The following ZNF704 variants were observed in gnomAD, a reference collection of about 807,000 sequenced individuals.
ZNF704 encodes zinc finger protein 704, also known as glucocorticoid induced gene 1.
A neutral mutation model predicts 44.7 loss-of-function variants in ZNF704; 10 were observed. The ratio of observed to expected loss-of-function variants is 0.22; its 90% CI spans 0.14 to 0.38. The LOEUF (loss-of-function observed/expected upper bound fraction) is 0.38. Ranked by LOEUF, ZNF704 falls within the 10% of genes least tolerant of loss-of-function variation. The pLI is 1.00. For synonymous variants in ZNF704, 211 were observed against 207.6 expected, an observed-to-expected ratio of 1.02 and a Z score of -0.14; for missense variants, 390 against 545.5, an observed-to-expected ratio of 0.71 and a Z score of 2.84.
At chr8:80,707,137 G>T (rs933809930) in intron 2 of ZNF704, among the ~76,000 whole-genome samples, 1 of 152,108 alleles carries the variant, frequency 6.6e-6, no homozygotes, top group African/African-American at 2.4e-5. Context: ...ACAGTACTTG[G>T]CCAGTCAGCC....
chr8:80,851,976 G>GA (rs1197556470), intron 1 of ZNF704, among the ~76,000 whole-genome samples: 2 of 151,702 alleles, frequency 1.3e-5, no homozygotes, highest in African/African-American at 4.8e-5. Flanking sequence ...AAGGACTGAG[G>GA]AAAAAAAAGT....
At chr8:80,644,127 C>T (rs951280159) in intron 7 of ZNF704, among the ~76,000 whole-genome samples, 2 of 152,194 alleles carry the variant, frequency 1.3e-5, no homozygotes, top group South Asian at 2.1e-4. Flanking sequence ...AACGACCCCA[C>T]GCAGTATTAC....
chr8:80,658,031 T>C (rs563994353), intron 7 of ZNF704, among the ~76,000 whole-genome samples: 8 of 152,242 alleles, frequency 5.3e-5, no homozygotes, highest in Non-Finnish European at 1.2e-4. Flanking sequence ...ATAAGAACCA[T>C]GGAGGACATG....
At chr8:80,820,357 T>C (rs1254551281) in intron 2 of ZNF704, among the ~76,000 whole-genome samples, 1 of 152,218 alleles carries the variant, frequency 6.6e-6, no homozygotes, top group Non-Finnish European at 1.5e-5. Flanking sequence ...TTCAGTGCTA[T>C]TGGGTGTGGT....
intron 2 of ZNF704, among the ~76,000 whole-genome samples, chr8:80,798,583 G>A (rs1807846985): frequency 1.3e-5 from 2 of 152,066 alleles, no homozygotes; most frequent in Admixed American, 1.3e-4. Flanking sequence ...TCAGAATTCT[G>A]GTCATGATCA....
rs1395941862 is a variant in ZNF704, at chr8:80,643,078, G to A, written c.1084C>T (p.His362Tyr). The A allele has an allele frequency of 4.4e-6, 7 of 1,605,986 alleles. No homozygotes were observed. In the East Asian group the frequency reaches 1.4e-4, roughly 31 times the overall value. ...VGTGEQRQHAHTVLSSPPRGT... is the reference protein window; with the variant it reads ...VGTGEQRQHAYTVLSSPPRGT... ...CTGGGTGGGGAGGACAGGACCGTGT[G>A]CGCATGCTGTCTCTGCTCTCCTGTG... Residue 362 changes from histidine to tyrosine, a missense_variant, in exon 8 of 9, where the codon CAC (histidine) becomes TAC (tyrosine). Around this residue, in one of 3 missense-constraint regions of ZNF704, gnomAD observed 305 missense variants for 435.7 expected, o/e 0.70. Transcript: ENST00000327835.
chr8:80,705,011 G>T (rs1818873390), intron 2 of ZNF704, among the ~76,000 whole-genome samples: 1 of 152,080 alleles, frequency 6.6e-6, no homozygotes, highest in African/African-American at 2.4e-5. Flanking sequence ...AATTCTTGTG[G>T]GACTGACACT....
chr8:80,730,541 A>T (rs1399285560), intron 2 of ZNF704, among the ~76,000 whole-genome samples: 3 of 48,872 alleles, frequency 6.1e-5, no homozygotes, highest in South Asian at 7.9e-4. Flanking sequence ...TACATCTTAA[A>T]AAAAAAAAAA....
At chr8:80,803,694 T>G (rs1807939469) in intron 2 of ZNF704, among the ~76,000 whole-genome samples, 1 of 152,166 alleles carries the variant, frequency 6.6e-6, no homozygotes, top group Non-Finnish European at 1.5e-5. Context: ...CAAGATGGAT[T>G]AAAGACTTAA....
intron 4 of ZNF704, among the ~76,000 whole-genome samples, chr8:80,674,038 T>C (rs1292832798): frequency 2.0e-5 from 3 of 152,208 alleles, no homozygotes; most frequent in African/African-American, 7.2e-5. Context: ...CAGAGCTACA[T>C]GAGTTACAGC....
intron 2 of ZNF704, among the ~76,000 whole-genome samples, chr8:80,727,621 C>A (rs1473201221): frequency 6.6e-6 from 1 of 151,850 alleles, no homozygotes; most frequent in East Asian, 1.9e-4. Context: ...GAGGGAGAGG[C>A]GAGCTTGGAG....
At chr8:80,653,061 C>A (rs571397491) in intron 7 of ZNF704, among the ~76,000 whole-genome samples, 1 of 152,284 alleles carries the variant, frequency 6.6e-6, no homozygotes, top group South Asian at 2.1e-4. Context: ...GAACCAAAGA[C>A]AAAAACCACA....
At chr8:80,734,125 G>A (rs1329822991) in intron 2 of ZNF704, among the ~76,000 whole-genome samples, 1 of 152,132 alleles carries the variant, frequency 6.6e-6, no homozygotes, top group East Asian at 1.9e-4. Context: ...AACCACTATT[G>A]ATAGAAACAA....
At chr8:80,659,728 T>G in intron 6 of ZNF704, 39 bp from the exon 7 acceptor site, 851 of 1,228,802 alleles carry the variant, frequency 6.9e-4, no homozygotes, top group Non-Finnish European at 9.2e-4. Flanking sequence ...TATGAAGGAA[T>G]ATTTTCCTTC....
chr8:80,652,477 A>G (rs1043075740), intron 7 of ZNF704, among the ~76,000 whole-genome samples: 1 of 152,224 alleles, frequency 6.6e-6, no homozygotes, highest in Admixed American at 6.5e-5. Flanking sequence ...AAAAAATGAT[A>G]AAGGGGATAT....
At chr8:80,657,452 G>A (rs1818033720) in intron 7 of ZNF704, among the ~76,000 whole-genome samples, 1 of 152,132 alleles carries the variant, frequency 6.6e-6, no homozygotes, top group Non-Finnish European at 1.5e-5. Context: ...CAGCACTTTG[G>A]GAGGCTGAGG....
At chr8:80,682,846 T>C (rs1818476057) in intron 4 of ZNF704, among the ~76,000 whole-genome samples, 1 of 152,154 alleles carries the variant, frequency 6.6e-6, no homozygotes, top group Non-Finnish European at 1.5e-5. Context: ...TTTTCCTTAT[T>C]TTACAGATGA....
intron 2 of ZNF704, among the ~76,000 whole-genome samples, chr8:80,809,589 A>G (rs1563561066): frequency 6.6e-6 from 1 of 152,210 alleles, no homozygotes; most frequent in Non-Finnish European, 1.5e-5. Flanking sequence ...TAAGCTGTAC[A>G]AGCAAAGCTC....
intron 2 of ZNF704, among the ~76,000 whole-genome samples, chr8:80,820,695 G>A (rs189702761): frequency 9.6e-4 from 146 of 152,168 alleles, no homozygotes; most frequent in Non-Finnish European, 1.8e-3. Flanking sequence ...GAGCTCAGGA[G>A]TTTGAGACCT....
Sources: gnomAD v4.1 joint callset for allele counts (sites outside exome capture counted in the v4.1 genomes callset) on GRCh38, gnomAD v4.1.1 for gene constraint, gnomAD v4.1.1 regional missense constraint, MANE v1.5 for transcripts, NCBI Gene and HGNC (gene_info 2026-07-23, HGNC 2026-07-21) for gene names.